The following SPAG17 variants were observed in gnomAD, a reference collection of about 807,000 sequenced individuals.
SPAG17 encodes sperm-associated antigen 17.
A neutral mutation model predicts 273.6 loss-of-function variants in SPAG17; 169 were observed. The observed-to-expected ratio is 0.62, with a 90% CI of 0.55 to 0.70. The LOEUF (loss-of-function observed/expected upper bound fraction) is 0.70, where lower values mean the gene tolerates loss of function less well. Among genes scored for constraint, SPAG17 ranks in the 30% least tolerant of loss-of-function variants. The pLI is 0.00. For missense variants in SPAG17, 2,557 were observed against 2,627.8 expected (o/e 0.97, Z 0.59); for synonymous variants, 825 against 873.2 (o/e 0.94, Z 0.97).
At chr1:117,979,419 A>C (rs1321281982) in intron 43 of SPAG17, among the ~76,000 whole-genome samples, 1 of 152,068 alleles carries the variant, frequency 6.6e-6, no homozygotes, top group African/African-American at 2.4e-5. Context: ...CACCCTCATG[A>C]TATAGTTCCT....
chr1:118,055,940 A>G, intron 18 of SPAG17, 26 bp from the exon 19 acceptor site: 3 of 1,571,302 alleles, frequency 1.9e-6, no homozygotes, highest in Non-Finnish European at 2.6e-6. Flanking sequence ...GCAGACGTCA[A>G]TTGAGTTACT....
intron 23 of SPAG17, among the ~76,000 whole-genome samples, chr1:118,038,377 T>C (rs1247961690): frequency 6.6e-6 from 1 of 152,146 alleles, no homozygotes; most frequent in Non-Finnish European, 1.5e-5. Context: ...TCTTCCAACA[T>C]GAACATACTC....
intron 1 of SPAG17, among the ~76,000 whole-genome samples, chr1:118,160,504 A>G (rs565656856): frequency 2.0e-5 from 3 of 152,224 alleles, no homozygotes; most frequent in Admixed American, 2.0e-4. Context: ...TGCTTGGTTA[A>G]TTCAATCTCA....
intron 15 of SPAG17, among the ~76,000 whole-genome samples, chr1:118,077,481 T>C (rs1654196846): frequency 6.6e-6 from 1 of 152,074 alleles, no homozygotes; most frequent in Non-Finnish European, 1.5e-5. Context: ...CCAATTTATG[T>C]AGTTTGACCA....
intron 6 of SPAG17, among the ~76,000 whole-genome samples, chr1:118,098,743 A>T (rs1053884141): frequency 3.9e-5 from 6 of 152,156 alleles, no homozygotes; most frequent in Admixed American, 2.6e-4. Flanking sequence ...ACATGAATCA[A>T]TGTACTTAAT....
chr1:118,092,473 C>T (rs540485219), intron 8 of SPAG17, among the ~76,000 whole-genome samples: 6 of 152,228 alleles, frequency 3.9e-5, no homozygotes, highest in African/African-American at 4.8e-5. Context: ...CCTGGGATCA[C>T]TGAACTACCC....
At chr1:118,169,500 C>T (rs1411541692) in intron 1 of SPAG17, among the ~76,000 whole-genome samples, 3 of 152,168 alleles carry the variant, frequency 2.0e-5, no homozygotes, top group Non-Finnish European at 4.4e-5. Context: ...CTTAAATACA[C>T]ATTAACATAA....
intron 47 of SPAG17, chr1:117,965,067 C>T (rs1350534523): frequency 1.3e-5 from 2 of 152,176 alleles, no homozygotes. Flanking sequence ...GTAACATATT[C>T]TCTTGCTCTT....
At chr1:118,008,305 G>GAAAAAAAAAA in intron 30 of SPAG17, 107 bp from the exon 31 acceptor site, 1 of 1,291,570 alleles carries the variant, frequency 7.7e-7, no homozygotes, top group Admixed American at 2.1e-5. Context: ...GATTCCCCAT[G>GAAAAAAAAAA]GAAAAAACAC....
intron 32 of SPAG17, among the ~76,000 whole-genome samples, chr1:118,001,439 C>CTGTCTGG (rs1658274400): frequency 6.6e-6 from 1 of 152,176 alleles, no homozygotes; most frequent in Non-Finnish European, 1.5e-5. Context: ...AGCTGTGAAT[C>CTGTCTGG]TGTCTGGTCC....
intron 4 of SPAG17, among the ~76,000 whole-genome samples, chr1:118,105,570 T>C (rs938012601): frequency 6.6e-6 from 1 of 152,212 alleles, no homozygotes. Context: ...GCCAAACAAA[T>C]AGCAGGAGAG....
rs114466981 is a variant in SPAG17, at chr1:118,162,066, C to T, written c.88-10697G>A. 6.3e-3 allele frequency among the ~76,000 whole-genome samples: 959 copies of T among 152,210 alleles called. 5 individuals are homozygous for T. Among genetic ancestry groups the T allele is most frequent in the Middle Eastern group, 0.02 (6 of 294 alleles). ...ACATATCTCCTTCATAATATAAAAC[C>T]CCTTTAAGGACCACGTGACAAAGTA... On this transcript the variant is annotated intron_variant, in intron 1 of 48. Transcript: ENST00000336338.
chr1:118,106,611 G>A (rs554281427), intron 4 of SPAG17, among the ~76,000 whole-genome samples: 5 of 152,104 alleles, frequency 3.3e-5, no homozygotes, highest in Non-Finnish European at 5.9e-5. Flanking sequence ...AAGTTCCAAT[G>A]TAGCCATCAA....
intron 1 of SPAG17, among the ~76,000 whole-genome samples, chr1:118,164,892 G>A (rs1396452504): frequency 6.6e-6 from 1 of 152,196 alleles, no homozygotes; most frequent in Non-Finnish European, 1.5e-5. Context: ...TAACCATTGT[G>A]TAAAGCACAC....
intron 9 of SPAG17, 53 bp from the exon 10 acceptor site, chr1:118,091,771 T>C: frequency 1.4e-6 from 2 of 1,394,698 alleles, no homozygotes; most frequent in East Asian, 2.3e-5. Flanking sequence ...CTCCATTATT[T>C]CCATCAAAAT....
chr1:117,976,583 T>C (rs1168977531), intron 43 of SPAG17, among the ~76,000 whole-genome samples: 1 of 152,176 alleles, frequency 6.6e-6, no homozygotes, highest in Non-Finnish European at 1.5e-5. Flanking sequence ...TCTCTTGAGC[T>C]TTGACCTTCT....
At chr1:118,147,768 C>T (rs1320560225) in intron 3 of SPAG17, among the ~76,000 whole-genome samples, 1 of 152,142 alleles carries the variant, frequency 6.6e-6, no homozygotes, top group Non-Finnish European at 1.5e-5. Flanking sequence ...TTGAGCAAAT[C>T]ACTTAGGAAT....
chr1:117,976,983 T>C (rs1267523839), intron 43 of SPAG17, among the ~76,000 whole-genome samples: 1 of 152,198 alleles, frequency 6.6e-6, no homozygotes, highest in Non-Finnish European at 1.5e-5. Context: ...CATTTCTCCC[T>C]TCAAGCTTTT....
intron 43 of SPAG17, 110 bp downstream of exon 43, chr1:117,981,160 T>G: frequency 8.3e-7 from 1 of 1,208,938 alleles, no homozygotes; most frequent in Non-Finnish European, 1.1e-6. Context: ...CGTGACCCTC[T>G]CGATTTTTTT....
Sources: allele counts gnomAD v4.1 joint callset (sites outside exome capture counted in the v4.1 genomes callset), GRCh38; gene constraint gnomAD v4.1.1; transcripts MANE v1.5; gene names NCBI Gene and HGNC (gene_info 2026-07-23, HGNC 2026-07-21).